Variants in TSHZ2 observed in about 807,000 individuals in gnomAD.
TSHZ2 encodes the protein teashirt zinc finger homeobox 2.
Under a neutral mutation model 74.4 loss-of-function variants are expected in TSHZ2, and 21 were observed. The ratio of observed to expected loss-of-function variants is 0.28; its 90% CI spans 0.20 to 0.41. The LOEUF is 0.41. Ranked by LOEUF, TSHZ2 falls within the 10% of genes least tolerant of loss-of-function variation. The pLI is 1.00. For synonymous variants in TSHZ2, 540 were observed against 515.3 expected, an observed-to-expected ratio of 1.05 and a Z score of -0.65; for missense variants, 1,244 against 1,293.5, an observed-to-expected ratio of 0.96 and a Z score of 0.59.
intron 2 of TSHZ2, among the ~76,000 whole-genome samples, chr20:53,420,493 A>G (rs1040786699): frequency 2.0e-5 from 3 of 152,196 alleles, no homozygotes; most frequent in Admixed American, 2.0e-4. Context: ...ACATGAGGCC[A>G]AAGCGGGCAG....
At chr20:53,216,742 T>G (rs912973768) in intron 1 of TSHZ2, among the ~76,000 whole-genome samples, 1 of 152,172 alleles carries the variant, frequency 6.6e-6, no homozygotes, top group African/African-American at 2.4e-5. Context: ...GCTTTAATAT[T>G]TCTCTATAAA....
At chr20:52,984,233 C>T (rs1981669653) in intron 1 of TSHZ2, among the ~76,000 whole-genome samples, 1 of 152,104 alleles carries the variant, frequency 6.6e-6, no homozygotes, top group African/African-American at 2.4e-5. Context: ...GAACTGGAGC[C>T]TTGCATCCGA....
intron 2 of TSHZ2, among the ~76,000 whole-genome samples, chr20:53,406,808 G>C (rs1473411071): frequency 1.3e-5 from 2 of 152,138 alleles, no homozygotes; most frequent in Non-Finnish European, 2.9e-5. Context: ...GGGAAGGAGG[G>C]AGAGACAGGT....
intron 1 of TSHZ2, among the ~76,000 whole-genome samples, chr20:53,072,640 T>G (rs939746074): frequency 6.6e-6 from 1 of 152,204 alleles, no homozygotes; most frequent in Non-Finnish European, 1.5e-5. Context: ...TGATTAAAAA[T>G]AACTGATTTG....
rs1469310631 is a variant in TSHZ2, at chr20:53,325,154, CTA to C, written c.*8+68585_*8+68586del. 3.3e-5 allele frequency among the ~76,000 whole-genome samples: 5 copies of C among 152,260 alleles called. No individual in the cohort carries two copies. In the East Asian group the frequency reaches 7.7e-4, roughly 23 times the overall value. On this transcript the variant is annotated intron_variant, in intron 2 of 2. Coordinates refer to ENST00000371497, the MANE Select transcript of TSHZ2 (RefSeq NM_173485.6). ...TTTCCACCAGAAGCATTTTATTTTTCTATGTTTTTCTTGGTTTTTTGATTCTT... is the reference window on the plus strand; with the variant it reads ...TTTCCACCAGAAGCATTTTATTTTTCTGTTTTTCTTGGTTTTTTGATTCTT...
intron 1 of TSHZ2, among the ~76,000 whole-genome samples, chr20:52,999,382 G>A (rs887332062): frequency 6.6e-6 from 1 of 152,196 alleles, no homozygotes; most frequent in Non-Finnish European, 1.5e-5. Context: ...GAAAAACAAA[G>A]GGTGGCAAAG....
intron 1 of TSHZ2, among the ~76,000 whole-genome samples, chr20:53,189,855 G>T (rs1442409195): frequency 6.6e-6 from 1 of 151,650 alleles, no homozygotes; most frequent in Non-Finnish European, 1.5e-5. Context: ...AGGCCAAGGT[G>T]GGCAGATTGC....
At chr20:53,292,906 A>C (rs1991307477) in intron 2 of TSHZ2, among the ~76,000 whole-genome samples, 1 of 152,238 alleles carries the variant, frequency 6.6e-6, no homozygotes, top group Admixed American at 6.5e-5. Context: ...GATAAAAGTC[A>C]CATGCATCTA....
intron 1 of TSHZ2, among the ~76,000 whole-genome samples, chr20:53,164,646 A>C (rs921430855): frequency 6.6e-6 from 1 of 152,194 alleles, no homozygotes; most frequent in Non-Finnish European, 1.5e-5. Context: ...TTTATTTTAA[A>C]TGCCCACATG....
At chr20:53,017,647 A>G (rs575848783) in intron 1 of TSHZ2, among the ~76,000 whole-genome samples, 1 of 152,298 alleles carries the variant, frequency 6.6e-6, no homozygotes, top group African/African-American at 2.4e-5. Context: ...TGAAAATTTG[A>G]ATCTTTTCAC....
chr20:53,139,036 T>C (rs1020442113), intron 1 of TSHZ2, among the ~76,000 whole-genome samples: 5 of 152,230 alleles, frequency 3.3e-5, no homozygotes, highest in Non-Finnish European at 7.3e-5. Flanking sequence ...GCTAAGTGGG[T>C]CTGAGAAAGT....
chr20:53,481,533 C>CA (rs1177261516), intron 2 of TSHZ2, among the ~76,000 whole-genome samples: 1 of 151,164 alleles, frequency 6.6e-6, no homozygotes, highest in Non-Finnish European at 1.5e-5. Flanking sequence ...AAGATCATGC[C>CA]ACTGTACTCA....
intron 1 of TSHZ2, among the ~76,000 whole-genome samples, chr20:53,061,503 T>G (rs746739838): frequency 6.6e-6 from 1 of 152,210 alleles, no homozygotes; most frequent in Non-Finnish European, 1.5e-5. Context: ...TTCTCTAATC[T>G]GCCCAGTGGT....
intron 1 of TSHZ2, among the ~76,000 whole-genome samples, chr20:53,035,735 G>C (rs942526106): frequency 6.6e-6 from 1 of 152,146 alleles, no homozygotes; most frequent in African/African-American, 2.4e-5. Flanking sequence ...AAGTATCAAA[G>C]AATCTCTATA....
At chr20:53,387,192 G>A (rs77474529) in intron 2 of TSHZ2, among the ~76,000 whole-genome samples, 2,196 of 152,190 alleles carry the variant, frequency 0.014, 65 homozygotes, top group African/African-American at 0.05. Context: ...CGAGCTCCAC[G>A]GGATCTCACT....
chr20:52,975,147 G>A (rs779091244), intron 1 of TSHZ2, among the ~76,000 whole-genome samples: 7 of 152,112 alleles, frequency 4.6e-5, no homozygotes, highest in Non-Finnish European at 8.8e-5. Context: ...GGCAACATAA[G>A]TTTAAGTGTA....
At chr20:53,018,353 C>T (rs1311098868) in intron 1 of TSHZ2, among the ~76,000 whole-genome samples, 1 of 152,144 alleles carries the variant, frequency 6.6e-6, no homozygotes, top group African/African-American at 2.4e-5. Context: ...AAACCATTAC[C>T]CGTTTTCAGG....
intron 1 of TSHZ2, among the ~76,000 whole-genome samples, chr20:52,984,708 A>G (rs1981688969): frequency 6.6e-6 from 1 of 152,124 alleles, no homozygotes; most frequent in Non-Finnish European, 1.5e-5. Context: ...CCTGCGATTT[A>G]TCAGGGACCC....
chr20:53,307,867 C>G (rs1978611638), intron 2 of TSHZ2, among the ~76,000 whole-genome samples: 1 of 152,102 alleles, frequency 6.6e-6, no homozygotes, highest in South Asian at 2.1e-4. Flanking sequence ...GGTCCTTTAC[C>G]CCAACTCAGA....
Sources: allele counts gnomAD v4.1 joint callset (sites outside exome capture counted in the v4.1 genomes callset), GRCh38; gene constraint gnomAD v4.1.1; transcripts MANE v1.5; gene names NCBI Gene and HGNC (gene_info 2026-07-23, HGNC 2026-07-21).